Variants in EEIG2 observed in about 807,000 individuals in gnomAD.
The protein encoded by EEIG2 is family with sequence similarity 102 member B.
the EEIG2 span, among the ~76,000 whole-genome samples, chr1:108,596,633 G>A: frequency 5.3e-5 from 8 of 152,120 alleles, no homozygotes; most frequent in African/African-American, 1.9e-4. Flanking sequence ...TAAAAATATA[G>A]CATCCTATTC....
chr1:108,570,080 TGTA>T, the EEIG2 span, among the ~76,000 whole-genome samples: 3 of 152,280 alleles, frequency 2.0e-5, no homozygotes, highest in East Asian at 5.8e-4. Flanking sequence ...TACCATACAG[TGTA>T]CAATTTGCAG....
At chr1:108,589,115 A>T in the EEIG2 span, among the ~76,000 whole-genome samples, 4 of 152,234 alleles carry the variant, frequency 2.6e-5, no homozygotes, top group African/African-American at 9.6e-5. Context: ...ATGATGGAAG[A>T]GGAGCCTCTT....
At chr1:108,636,047 C>T in the EEIG2 span, 1 of 152,192 alleles carries the variant, frequency 6.6e-6, no homozygotes, top group African/African-American at 2.4e-5. Flanking sequence ...TTATCTGAGG[C>T]TAACAGTTTT....
At chr1:108,631,573 G>A in the EEIG2 span, among the ~76,000 whole-genome samples, 1 of 152,124 alleles carries the variant, frequency 6.6e-6, no homozygotes, top group Admixed American at 6.5e-5. Flanking sequence ...GGCTTATAAG[G>A]TGAATATGAT....
chr1:108,562,139 G>T, the EEIG2 span, among the ~76,000 whole-genome samples: 2 of 152,158 alleles, frequency 1.3e-5, no homozygotes, highest in African/African-American at 4.8e-5. Context: ...ATAAACTGAG[G>T]CTCAGAAAGC....
chr1:108,561,920 G>A, the EEIG2 span, among the ~76,000 whole-genome samples: 1 of 152,150 alleles, frequency 6.6e-6, no homozygotes, highest in Admixed American at 6.5e-5. Flanking sequence ...GCGCTCCTGG[G>A]CCAGTGGTGA....
chr1:108,609,758 A>G, the EEIG2 span, among the ~76,000 whole-genome samples: 2 of 152,208 alleles, frequency 1.3e-5, no homozygotes, highest in East Asian at 1.9e-4. Context: ...TTTCAGGGAC[A>G]TGGATGGATC....
chr1:108,634,980 A>T, the EEIG2 span: 1 of 820,062 alleles, frequency 1.2e-6, no homozygotes, highest in Non-Finnish European at 2.0e-6. Context: ...TGATGCCTTT[A>T]AACGTTATGG....
At chr1:108,597,626 A>G in the EEIG2 span, among the ~76,000 whole-genome samples, 1 of 152,158 alleles carries the variant, frequency 6.6e-6, no homozygotes, top group Non-Finnish European at 1.5e-5. Context: ...CATGAGGTTC[A>G]AATTTCCTCA....
At chr1:108,585,238 A>G in the EEIG2 span, among the ~76,000 whole-genome samples, 1 of 152,306 alleles carries the variant, frequency 6.6e-6, no homozygotes, top group Non-Finnish European at 1.5e-5. Flanking sequence ...GTAAGTCAAA[A>G]TGAATTCAAG....
At chr1:108,617,883 A>C in the EEIG2 span, among the ~76,000 whole-genome samples, 1 of 152,122 alleles carries the variant, frequency 6.6e-6, no homozygotes, top group Non-Finnish European at 1.5e-5. Flanking sequence ...CTGAGGATTG[A>C]CCTTTGGAAT....
At chr1:108,605,506 A>C in the EEIG2 span, among the ~76,000 whole-genome samples, 27 of 152,346 alleles carry the variant, frequency 1.8e-4, no homozygotes, top group South Asian at 6.2e-4. Context: ...ACCATCCAGC[A>C]GATGCATTTT....
chr1:108,591,417 T>C, the EEIG2 span, among the ~76,000 whole-genome samples: 5 of 152,238 alleles, frequency 3.3e-5, no homozygotes, highest in Non-Finnish European at 1.5e-5. Flanking sequence ...ATTTTGATGT[T>C]ACAAAACGAT....
chr1:108,638,698 A>C, the EEIG2 span: 5 of 152,066 alleles, frequency 3.3e-5, no homozygotes, highest in Admixed American at 6.6e-5. Context: ...ATGTTGTCTT[A>C]GGTACTACGC....
chr1:108,560,289 C>T, the EEIG2 span: 21 of 507,006 alleles, frequency 4.1e-5, no homozygotes, highest in Non-Finnish European at 4.3e-5. Flanking sequence ...CCGGCCGCGG[C>T]CGGCCTGCGG....
chr1:108,616,154 G>T, the EEIG2 span, among the ~76,000 whole-genome samples: 1 of 149,052 alleles, frequency 6.7e-6, no homozygotes. Context: ...AATAGAGACA[G>T]GGTCTTGCTC....
the EEIG2 span, among the ~76,000 whole-genome samples, chr1:108,574,762 G>A: frequency 6.6e-6 from 1 of 152,052 alleles, no homozygotes; most frequent in Non-Finnish European, 1.5e-5. Flanking sequence ...AAGAAAAGGG[G>A]GGGTTAGATG....
chr1:108,573,563 A>G, the EEIG2 span, among the ~76,000 whole-genome samples: 1 of 152,214 alleles, frequency 6.6e-6, no homozygotes, highest in South Asian at 2.1e-4. Context: ...TGTATTTACA[A>G]TGTATTAGGC....
At chr1:108,612,244 C>A in the EEIG2 span, 5 of 1,613,708 alleles carry the variant, frequency 3.1e-6, no homozygotes, top group Non-Finnish European at 4.2e-6. Context: ...CCGCTGTTTA[C>A]TGGAAGGCTA....
Sources: gnomAD v4.1 joint callset for allele counts (sites outside exome capture counted in the v4.1 genomes callset) on GRCh38, gnomAD v4.1.1 for gene constraint, MANE v1.5 for transcripts, NCBI Gene and HGNC (gene_info 2026-07-23, HGNC 2026-07-21) for gene names.